The following CLSTN1 variants were observed in gnomAD, a reference collection of about 807,000 sequenced individuals.
CLSTN1 encodes calsyntenin 1, also known as calsyntenin-1.
In CLSTN1, 28 loss-of-function variants were observed where a neutral mutation model predicts 108.3. That is an observed-to-expected ratio of 0.26 (90% CI 0.19 to 0.35). CLSTN1 has a LOEUF of 0.35. CLSTN1 is among the 10% of genes least tolerant of loss of function. The pLI, the probability that CLSTN1 is intolerant of heterozygous loss-of-function variation, is 1.00. For synonymous variants in CLSTN1, 524 were observed against 534.9 expected, an observed-to-expected ratio of 0.98 and a Z score of 0.28; for missense variants, 1,157 against 1,302.6, an observed-to-expected ratio of 0.89 and a Z score of 1.72.
intron 1 of CLSTN1, among the ~76,000 whole-genome samples, chr1:9,820,031 T>C (rs1431840539): frequency 7.5e-6 from 1 of 133,464 alleles, no homozygotes; most frequent in Non-Finnish European, 1.7e-5. Flanking sequence ...ATCCTTGAAC[T>C]TTTTTTTTTT....
chr1:9,751,777 C>A, intron 4 of CLSTN1, 96 bp from the exon 5 acceptor site: 1 of 1,071,704 alleles, frequency 9.3e-7, no homozygotes, highest in Non-Finnish European at 1.4e-6. Context: ...TTCTGCCCTA[C>A]TTTAAAATTT....
chr1:9,751,021 C>T (rs1303520083), intron 5 of CLSTN1, among the ~76,000 whole-genome samples: 2 of 151,618 alleles, frequency 1.3e-5, no homozygotes, highest in African/African-American at 4.9e-5. Flanking sequence ...GCTGAGATCG[C>T]ACCACTGTAC....
At chr1:9,813,455 T>C (rs1654849448) in intron 1 of CLSTN1, among the ~76,000 whole-genome samples, 1 of 148,868 alleles carries the variant, frequency 6.7e-6, no homozygotes, top group African/African-American at 2.5e-5. Flanking sequence ...GCTGAGATCA[T>C]ACCTCTGCAC....
intron 1 of CLSTN1, among the ~76,000 whole-genome samples, chr1:9,803,174 A>G (rs1227755992): frequency 6.6e-6 from 1 of 152,184 alleles, no homozygotes; most frequent in Non-Finnish European, 1.5e-5. Flanking sequence ...AACAGAGCTT[A>G]CTTAAGTGGG....
At chr1:9,743,287 G>A (rs982404362) in intron 9 of CLSTN1, among the ~76,000 whole-genome samples, 32 of 152,114 alleles carry the variant, frequency 2.1e-4, no homozygotes, top group South Asian at 2.1e-4. Flanking sequence ...TTAGCTTTGC[G>A]GCCGGGCACA....
chr1:9,793,260 G>C (rs1034358520), intron 1 of CLSTN1, among the ~76,000 whole-genome samples: 5 of 151,558 alleles, frequency 3.3e-5, no homozygotes, highest in African/African-American at 1.2e-4. Context: ...TGATCCACCA[G>C]TCTCAGCCTC....
chr1:9,738,904 C>T lies in CLSTN1; in HGVS notation c.1520-1350G>A, dbSNP rs184334134. Among the ~76,000 whole-genome samples, 65 of 152,240 alleles carry T rather than the reference C, an allele frequency of 4.3e-4. No individual in the cohort carries two copies. The East Asian group carries it at 0.011, about 27-fold the overall frequency. Reference sequence around the variant, plus strand: ...TGACCTTGAGTGATCTGCCTGCCACCGCCTCCCAAAGTGCTGGGATTACAG... The same window carrying T: ...TGACCTTGAGTGATCTGCCTGCCACTGCCTCCCAAAGTGCTGGGATTACAG... On this transcript the variant is annotated intron_variant, in intron 10 of 18. Transcript: ENST00000377298.
chr1:9,733,923 T>C, intron 15 of CLSTN1, 49 bp downstream of exon 15: 1 of 1,553,650 alleles, frequency 6.4e-7, no homozygotes. Context: ...GCTCTCAAAG[T>C]CCCCTCTTGC....
Position 9,734,849 on chromosome 1 carries a change from T to G in CLSTN1, c.2110+99A>C. On this transcript the variant is annotated intron_variant, in intron 14 of 18. Coordinates refer to ENST00000377298, the MANE Select transcript of CLSTN1 (RefSeq NM_001009566.3). The surrounding 1 kb of genome is among the most constrained non-coding windows in gnomAD (Gnocchi z 4.8). ...AGAACACCAACGAAAGATTAAAACC[T>G]CCCCAAATCCCACAGAGACAAAGAG... The G allele has an allele frequency of 9.9e-7, 1 of 1,014,446 alleles. No homozygotes were observed. Among genetic ancestry groups the G allele is most frequent in the Non-Finnish European group, 1.5e-6 (1 of 667,884 alleles). The allele number at this position is 1,014,446 out of a possible 1,614,324, so 62.8% of individuals were successfully genotyped here. A position where few individuals can be genotyped will look rare whatever the true frequency, so the allele number is the denominator to read the frequency against.
chr1:9,823,944 AG>A lies in CLSTN1; in HGVS notation c.-212del, dbSNP rs1655300079. The A allele has an allele frequency of 6.3e-6, 1 of 158,128 alleles. No homozygotes were observed. The highest frequency in any genetic ancestry group is 1.4e-5 in the Non-Finnish European group (1 of 73,896). The allele number at this position is 158,128 out of a possible 1,614,324, so 9.8% of individuals were successfully genotyped here. ...CCGCCTCAGAGCAGCGTCTTGCTGA[AG>A]GCAGCGGCAGCAACTAAGATGGCGG... is the stretch of plus-strand genomic sequence containing the variant. On this transcript the variant is annotated 5_prime_UTR_variant, in exon 1 of 19. Transcript: ENST00000377298. This position sits in a 1 kb window ranked among gnomAD's most constrained non-coding sequence, Gnocchi z 6.3.
intron 1 of CLSTN1, chr1:9,781,064 T>G: frequency 1.5e-6 from 1 of 647,146 alleles, no homozygotes; most frequent in Non-Finnish European, 2.8e-6. Flanking sequence ...CAACCTGTAC[T>G]AATCACACAT....
At position 9,760,940 on chromosome 1, in the gene CLSTN1, G is replaced by C. The variant is rs145216601; in HGVS notation, c.215-4430C>G. Among the ~76,000 whole-genome samples the C allele has an allele frequency of 6.6e-5, 10 of 152,034 alleles. No homozygotes were observed. The East Asian group carries it at 1.9e-3, about 29-fold the overall frequency. On this transcript the variant is annotated intron_variant, in intron 2 of 18. Transcript: ENST00000377298. ...TCAAACTCAAACAACCTCATCCGTT[G>C]CAGGGAAGGACCTCTCAGAATTGCC... is the stretch of plus-strand genomic sequence containing the variant.
At chr1:9,758,273 G>A (rs897423865) in intron 2 of CLSTN1, among the ~76,000 whole-genome samples, 2 of 151,990 alleles carry the variant, frequency 1.3e-5, no homozygotes, top group Admixed American at 6.6e-5. Context: ...GATTACAGGC[G>A]TGAGCCACTG....
chr1:9,802,238 G>C (rs1654303993), intron 1 of CLSTN1, among the ~76,000 whole-genome samples: 1 of 152,146 alleles, frequency 6.6e-6, no homozygotes, highest in Non-Finnish European at 1.5e-5. Context: ...CTGAGACCCA[G>C]GACTTTCTGA....
At chr1:9,754,062 C>T (rs928192999) in intron 4 of CLSTN1, among the ~76,000 whole-genome samples, 2 of 152,182 alleles carry the variant, frequency 1.3e-5, no homozygotes, top group African/African-American at 4.8e-5. Flanking sequence ...CCACCTCAGC[C>T]TCCCAAAGTG....
At chr1:9,820,359 A>G (rs1480601387) in intron 1 of CLSTN1, among the ~76,000 whole-genome samples, 2 of 152,106 alleles carry the variant, frequency 1.3e-5, no homozygotes, top group Non-Finnish European at 2.9e-5. Context: ...TCTCTACTAA[A>G]AATACAAAAA....
At chr1:9,750,897 A>AAAC (rs907512241) in intron 5 of CLSTN1, among the ~76,000 whole-genome samples, 5 of 151,848 alleles carry the variant, frequency 3.3e-5, no homozygotes, top group Admixed American at 1.3e-4. Context: ...CTAAAAATAC[A>AAAC]AACAACAACA....
intron 4 of CLSTN1, among the ~76,000 whole-genome samples, chr1:9,753,103 G>A (rs1651636487): frequency 6.6e-6 from 1 of 152,106 alleles, no homozygotes; most frequent in Non-Finnish European, 1.5e-5. Flanking sequence ...ATGGGGGTGG[G>A]AGGATGGTTT....
At chr1:9,791,492 C>T (rs1021445692) in intron 1 of CLSTN1, among the ~76,000 whole-genome samples, 1 of 151,522 alleles carries the variant, frequency 6.6e-6, no homozygotes, top group African/African-American at 2.4e-5. Flanking sequence ...CCTTGGCCTC[C>T]CAAAGAGCTG....
Sources: gnomAD v4.1 joint callset for allele counts (sites outside exome capture counted in the v4.1 genomes callset) on GRCh38, gnomAD v4.1.1 for gene constraint, Gnocchi (gnomAD v3.1) non-coding constraint, MANE v1.5 for transcripts, NCBI Gene and HGNC (gene_info 2026-07-23, HGNC 2026-07-21) for gene names.